The following IMPG2 variants were observed in gnomAD, a reference collection of about 807,000 sequenced individuals.
The protein encoded by IMPG2 is IPM 200.
IMPG2 carries 91 observed loss-of-function variants against 129.2 expected under a neutral mutation model. The observed-to-expected ratio is 0.70, with a 90% CI of 0.59 to 0.84. IMPG2 has a LOEUF of 0.84. IMPG2 is among the 40% of genes least tolerant of loss of function. The probability of loss-of-function intolerance (pLI) is 0.00; values close to 1 mark genes in which losing one functional copy is unlikely to be tolerated. For synonymous variants in IMPG2, 510 were observed against 517.7 expected (o/e 0.99, Z 0.20); for missense variants, 1,430 against 1,461.7 (o/e 0.98, Z 0.35).
intron 2 of IMPG2, among the ~76,000 whole-genome samples, chr3:101,317,744 C>A (rs1559662258): frequency 1.3e-5 from 2 of 152,052 alleles, no homozygotes; most frequent in Non-Finnish European, 2.9e-5. Flanking sequence ...ATTTTAAAAT[C>A]AATTATTCTA....
intron 10 of IMPG2, among the ~76,000 whole-genome samples, chr3:101,256,206 AAAGAAAGAAAG>A (rs1211436166): frequency 1.2e-4 from 18 of 150,346 alleles, no homozygotes; most frequent in African/African-American, 3.5e-4. Context: ...AGAAAGAAAG[AAAGAAAGAAAG>A]AAAAAAATAT....
chr3:101,229,561 G>A lies in IMPG2; in HGVS notation c.3452C>T (p.Ser1151Leu), dbSNP rs1398923970. The change falls in exon 17 of 19, where the codon TCA (serine) becomes TTA (leucine). Residue 1151 changes from serine (S) to leucine (L), a missense_variant. Transcript: ENST00000193391. Reference protein sequence around the residue: ...SGSSRQPDSLSSIENAVKYNP... With the variant: ...SGSSRQPDSLLSIENAVKYNP... ...GTACTTCACAGCATTCTCAATAGAT[G>A]AGAGGCTGTCAGGCTGCCTGCTGGA... 6.2e-7 allele frequency: 1 copy of A among 1,614,018 alleles called. No individual in the cohort carries two copies. Among genetic ancestry groups the A allele is most frequent in the South Asian group, 1.1e-5 (1 of 91,070 alleles).
At chr3:101,319,915 G>T in intron 1 of IMPG2, 83 bp from the exon 2 acceptor site, 1 of 1,439,112 alleles carries the variant, frequency 6.9e-7, no homozygotes, top group Non-Finnish European at 9.6e-7. Flanking sequence ...TGACACTTGG[G>T]CTACATTAAG....
chr3:101,290,696 C>T (rs1706998000), intron 4 of IMPG2, among the ~76,000 whole-genome samples: 1 of 152,064 alleles, frequency 6.6e-6, no homozygotes, highest in Non-Finnish European at 1.5e-5. Context: ...TGGATATACC[C>T]CACTACCACC....
chr3:101,243,146 T>C (rs1038625347), intron 13 of IMPG2, among the ~76,000 whole-genome samples: 1 of 152,202 alleles, frequency 6.6e-6, no homozygotes, highest in Non-Finnish European at 1.5e-5. Context: ...AATTCATACA[T>C]AGTTTTAGAC....
intron 11 of IMPG2, among the ~76,000 whole-genome samples, chr3:101,252,976 G>C (rs1706560601): frequency 6.6e-6 from 1 of 152,160 alleles, no homozygotes; most frequent in Non-Finnish European, 1.5e-5. Flanking sequence ...TTGTAGACAA[G>C]TAATTCTGTA....
chr3:101,246,116 A>G lies in IMPG2; in HGVS notation c.1240-11T>C, dbSNP rs750969860. 3 of 1,613,250 alleles carry G rather than the reference A, an allele frequency of 1.9e-6. No homozygotes were observed. Among genetic ancestry groups the G allele is most frequent in the South Asian group, 2.2e-5 (2 of 90,968 alleles). ...TTGAAAGGTATTATCCTGGGGGGAA[A>G]AAAAGGCTAAATCATATCATAGATA... On this transcript the variant is annotated splice_polypyrimidine_tract_variant and intron_variant, in intron 11 of 18. Coordinates refer to ENST00000193391, the MANE Select transcript of IMPG2 (RefSeq NM_016247.4).
At chr3:101,237,089 T>C (rs1482577068) in intron 14 of IMPG2, among the ~76,000 whole-genome samples, 1 of 152,118 alleles carries the variant, frequency 6.6e-6, no homozygotes, top group Non-Finnish European at 1.5e-5. Context: ...ACAGTGTAAA[T>C]AAAGCCGCCC....
chr3:101,270,953 C>T (rs78453211), intron 7 of IMPG2, among the ~76,000 whole-genome samples: 6,216 of 152,156 alleles, frequency 0.041, 160 homozygotes, highest in Non-Finnish European at 0.053. Context: ...GGCAACATCT[C>T]TGGGCATCTG....
chr3:101,270,055 T>G (rs1018887099), intron 7 of IMPG2, among the ~76,000 whole-genome samples: 1 of 150,562 alleles, frequency 6.6e-6, no homozygotes, highest in Non-Finnish European at 1.5e-5. Flanking sequence ...CTCAGCCTCC[T>G]GAGCAGCTGG....
At chr3:101,284,095 T>C (rs1706921119) in intron 4 of IMPG2, among the ~76,000 whole-genome samples, 1 of 152,056 alleles carries the variant, frequency 6.6e-6, no homozygotes, top group African/African-American at 2.4e-5. Context: ...GGATGTGAGG[T>C]GTGGGAGAAA....
intron 14 of IMPG2, among the ~76,000 whole-genome samples, chr3:101,237,118 G>T (rs1364001924): frequency 1.3e-5 from 2 of 152,118 alleles, no homozygotes; most frequent in Non-Finnish European, 2.9e-5. Flanking sequence ...GAACTGGGTG[G>T]AGCCCACCAC....
intron 10 of IMPG2, among the ~76,000 whole-genome samples, chr3:101,256,751 C>A (rs144742725): frequency 6.6e-6 from 1 of 152,110 alleles, no homozygotes; most frequent in Non-Finnish European, 1.5e-5. Flanking sequence ...CCCATGCTGT[C>A]ACTTCCATAA....
intron 3 of IMPG2, among the ~76,000 whole-genome samples, chr3:101,294,048 A>C (rs1707051135): frequency 6.6e-6 from 1 of 152,164 alleles, no homozygotes; most frequent in African/African-American, 2.4e-5. Flanking sequence ...TGCTCACTGG[A>C]ATAGCACTTT....
In IMPG2 at chr3:101,294,754, A is replaced by G. The variant is rs72934305; in HGVS notation, c.502-3244T>C. Among the ~76,000 whole-genome samples the G allele has an allele frequency of 3.1e-3, 466 of 152,198 alleles. 1 individual carries two copies. Among genetic ancestry groups the G allele is most frequent in the African/African-American group, 0.011 (436 of 41,506 alleles). On this transcript the variant is annotated intron_variant, in intron 3 of 18. Coordinates refer to ENST00000193391, the MANE Select transcript of IMPG2 (RefSeq NM_016247.4). ...TTTCTCAACAGCCTCGCCAGAATCA[A>G]TTGTTTCTCGACTTCTTAATAATTG... is the stretch of plus-strand genomic sequence containing the variant.
At chr3:101,293,517 T>C (rs530172639) in intron 3 of IMPG2, among the ~76,000 whole-genome samples, 35 of 152,220 alleles carry the variant, frequency 2.3e-4, no homozygotes, top group Admixed American at 4.6e-4. Context: ...AGAGTAGATT[T>C]AGCAAATTTC....
chr3:101,241,236 T>C (rs1339761812), intron 14 of IMPG2, among the ~76,000 whole-genome samples: 2 of 152,164 alleles, frequency 1.3e-5, no homozygotes, highest in African/African-American at 2.4e-5. Flanking sequence ...ACTGGTAATA[T>C]AAAAACTGAC....
chr3:101,248,448 C>T (rs1416374040), intron 11 of IMPG2, among the ~76,000 whole-genome samples: 1 of 152,146 alleles, frequency 6.6e-6, no homozygotes, highest in African/African-American at 2.4e-5. Context: ...TTATCAGCAG[C>T]GTGAAAACAG....
chr3:101,243,790 T>A lies in IMPG2; in HGVS notation c.2541A>T (p.Thr847=), dbSNP rs1283984872. 6.2e-7 allele frequency: 1 copy of A among 1,614,016 alleles called. No homozygotes were observed. The highest frequency in any genetic ancestry group is 1.3e-5 in the African/African-American group (1 of 74,950). The part of the protein sequence containing the change: ...DISLELDRIG[T]DYYQPEQVQE... The stretch of plus-strand genomic sequence containing the variant: ...GGACTTGCTCAGGCTGATAGTAATC[T>A]GTGCCTATCCGGTCCAGTTCTAACG... Residue 847 remains threonine, a synonymous_variant, in exon 13 of 19, where the codon ACA becomes ACT. Coordinates refer to ENST00000193391, the MANE Select transcript of IMPG2 (RefSeq NM_016247.4).
Sources: allele counts gnomAD v4.1 joint callset (sites outside exome capture counted in the v4.1 genomes callset), GRCh38; gene constraint gnomAD v4.1.1; transcripts MANE v1.5; gene names NCBI Gene and HGNC (gene_info 2026-07-23, HGNC 2026-07-21).